Variants in CAMSAP1 observed in about 807,000 individuals in gnomAD.
The protein encoded by CAMSAP1 is calmodulin-regulated spectrin-associated protein 1.
Under a neutral mutation model 143.5 loss-of-function variants are expected in CAMSAP1, and 58 were observed. That is an observed-to-expected ratio of 0.40 (90% CI 0.33 to 0.50). The LOEUF is 0.50. Ranked by LOEUF, CAMSAP1 falls within the 20% of genes least tolerant of loss-of-function variation. The pLI is 0.45. For missense variants in CAMSAP1, 1,969 were observed against 2,115.7 expected (o/e 0.93, Z 1.36); for synonymous variants, 945 against 859.3 (o/e 1.10, Z -1.74).
At chr9:135,862,373 C>CTTT in intron 5 of CAMSAP1, 94 bp downstream of exon 5, 3 of 1,072,570 alleles carry the variant, frequency 2.8e-6, no homozygotes, top group Admixed American at 3.2e-5. Flanking sequence ...TTTTCTTTCT[C>CTTT]TTTTTTTTTT....
chr9:135,870,153 A>C (rs1056958432), intron 3 of CAMSAP1, among the ~76,000 whole-genome samples: 3 of 152,210 alleles, frequency 2.0e-5, no homozygotes, highest in Non-Finnish European at 4.4e-5. Flanking sequence ...ATCTTATCTC[A>C]AACTCTAATC....
intron 1 of CAMSAP1, among the ~76,000 whole-genome samples, chr9:135,885,859 T>C (rs1472031499): frequency 2.6e-5 from 4 of 152,142 alleles, no homozygotes; most frequent in African/African-American, 9.7e-5. Context: ...GTTACTCCTT[T>C]CCATCCGGCC....
intron 7 of CAMSAP1, among the ~76,000 whole-genome samples, chr9:135,834,101 C>T (rs1192585457): frequency 2.6e-5 from 4 of 152,204 alleles, no homozygotes; most frequent in Non-Finnish European, 4.4e-5. Context: ...ATCAAAACCA[C>T]AATAAGGCAT....
At chr9:135,904,567 T>C (rs1434125131) in intron 1 of CAMSAP1, among the ~76,000 whole-genome samples, 1 of 151,780 alleles carries the variant, frequency 6.6e-6, no homozygotes, top group Non-Finnish European at 1.5e-5. Context: ...TCACTAGAAT[T>C]GTAAGTATAA....
chr9:135,881,403 CT>C (rs1388687359), intron 3 of CAMSAP1, among the ~76,000 whole-genome samples: 2 of 151,966 alleles, frequency 1.3e-5, no homozygotes, highest in Non-Finnish European at 2.9e-5. Context: ...CCGACATGTG[CT>C]GCATTTTCAG....
Position 135,902,352 on chromosome 9 carries a change from A to G in CAMSAP1, c.160+4648T>C, listed in dbSNP as rs73561646. ...TTACAAGTGTGCTGCCATCAAGAGC[A>G]GCCTCTTCACACCAAGACTCCAACC... On this transcript the variant is annotated intron_variant, in intron 1 of 16. Transcript: ENST00000389532. 1.9e-3 allele frequency among the ~76,000 whole-genome samples: 297 copies of G among 152,372 alleles called. 1 individual carries two copies. The highest frequency in any genetic ancestry group is 6.9e-3 in the African/African-American group (286 of 41,598).
intron 16 of CAMSAP1, among the ~76,000 whole-genome samples, chr9:135,812,853 G>A (rs561424756): frequency 3.9e-5 from 6 of 151,928 alleles, no homozygotes; most frequent in South Asian, 4.2e-4. Context: ...CCTGTAGTCC[G>A]AGCTACTCAG....
chr9:135,896,220 G>C (rs1838446182), intron 1 of CAMSAP1, among the ~76,000 whole-genome samples: 1 of 151,876 alleles, frequency 6.6e-6, no homozygotes, highest in African/African-American at 2.4e-5. Context: ...AGGGAAAAAA[G>C]ATACGCCATT....
chr9:135,881,518 G>A, intron 3 of CAMSAP1, 115 bp downstream of exon 3: 1 of 1,184,278 alleles, frequency 8.4e-7, no homozygotes, highest in Non-Finnish European at 1.2e-6. Flanking sequence ...AAATATGACT[G>A]GTCCCAAATG....
At chr9:135,878,065 C>T (rs1837812223) in intron 3 of CAMSAP1, among the ~76,000 whole-genome samples, 1 of 152,192 alleles carries the variant, frequency 6.6e-6, no homozygotes. Context: ...GTTACACAAT[C>T]ACCAGGGAAA....
rs1483258561 is a variant in CAMSAP1, at chr9:135,818,931, T to TGC, written c.3959+77_3959+78dup. On this transcript the variant is annotated intron_variant, in intron 12 of 16. Coordinates refer to ENST00000389532, the MANE Select transcript of CAMSAP1 (RefSeq NM_015447.4). This position sits in a 1 kb window ranked among gnomAD's most constrained non-coding sequence, Gnocchi z 7.7. ...ACTCATTGCCATGGTCCATGCTCAG[T>TGC]GCCAGCAACGGGACCGGGGCCGCCA... 19 of 1,551,214 alleles carry TGC rather than the reference T, an allele frequency of 1.2e-5. 1 individual carries two copies. The African/African-American group carries it at 2.6e-4, about 21-fold the overall frequency.
chr9:135,861,053 G>C (rs1837168197), intron 5 of CAMSAP1, among the ~76,000 whole-genome samples: 1 of 152,168 alleles, frequency 6.6e-6, no homozygotes, highest in South Asian at 2.1e-4. Context: ...CCTCCTTAAA[G>C]AGCTTCTCCT....
At chr9:135,896,840 G>A in intron 1 of CAMSAP1, among the ~76,000 whole-genome samples, 1 of 152,148 alleles carries the variant, frequency 6.6e-6, no homozygotes, top group East Asian at 1.9e-4. Flanking sequence ...GGCCTTTCGG[G>A]GGTGAATAGG....
chr9:135,867,368 A>T (rs1459761639), intron 3 of CAMSAP1, among the ~76,000 whole-genome samples: 1 of 152,180 alleles, frequency 6.6e-6, no homozygotes, highest in Non-Finnish European at 1.5e-5. Context: ...GCAAAGGACG[A>T]GTGTGGCAGC....
chr9:135,853,947 G>A (rs1378656980), intron 5 of CAMSAP1, among the ~76,000 whole-genome samples: 1 of 152,226 alleles, frequency 6.6e-6, no homozygotes, highest in African/African-American at 2.4e-5. Flanking sequence ...TGAGATGACT[G>A]TAGAGAATCT....
intron 14 of CAMSAP1, among the ~76,000 whole-genome samples, chr9:135,816,686 G>A (rs1248868432): frequency 2.0e-5 from 3 of 152,182 alleles, no homozygotes; most frequent in African/African-American, 7.2e-5. Context: ...ACAACAAGGA[G>A]CCATGAGACG....
intron 7 of CAMSAP1, among the ~76,000 whole-genome samples, chr9:135,843,973 T>C (rs1836459935): frequency 1.3e-5 from 2 of 150,876 alleles, no homozygotes; most frequent in Admixed American, 6.6e-5. Context: ...CTTAGAGACC[T>C]AGAAAGAGAC....
chr9:135,819,771 C>A (rs1489957302), intron 11 of CAMSAP1, among the ~76,000 whole-genome samples: 1 of 150,952 alleles, frequency 6.6e-6, no homozygotes, highest in Non-Finnish European at 1.5e-5. Context: ...CGCTTGAACT[C>A]GGGAGGCAGA....
chr9:135,831,155 C>G (rs1293557229), intron 7 of CAMSAP1, among the ~76,000 whole-genome samples: 1 of 152,024 alleles, frequency 6.6e-6, no homozygotes, highest in Non-Finnish European at 1.5e-5. Context: ...GAGTGAGACT[C>G]CGTCTCAAAA....
Sources: allele counts gnomAD v4.1 joint callset (sites outside exome capture counted in the v4.1 genomes callset), GRCh38; gene constraint gnomAD v4.1.1; non-coding constraint Gnocchi (gnomAD v3.1); transcripts MANE v1.5; gene names NCBI Gene and HGNC (gene_info 2026-07-23, HGNC 2026-07-21).